Variants in MAPK10 observed in about 807,000 individuals in gnomAD.
The protein encoded by MAPK10 is JNK3 alpha protein kinase.
In MAPK10, 25 loss-of-function variants were observed where a neutral mutation model predicts 59.3. The observed-to-expected ratio is 0.42, with a 90% CI of 0.31 to 0.59. The LOEUF (loss-of-function observed/expected upper bound fraction) is 0.59, where lower values mean the gene tolerates loss of function less well. Ranked by LOEUF, MAPK10 falls within the 20% of genes least tolerant of loss-of-function variation. MAPK10 has a pLI of 0.15. For missense variants in MAPK10, 351 were observed against 568.9 expected (o/e 0.62, Z 3.90); for synonymous variants, 190 against 200.5 (o/e 0.95, Z 0.44).
At chr4:86,224,082 C>CTTTATGATCTA (rs138103390) in intron 2 of MAPK10, among the ~76,000 whole-genome samples, 1 of 152,036 alleles carries the variant, frequency 6.6e-6, no homozygotes, top group African/African-American at 2.4e-5. Flanking sequence ...TCCGAAATAT[C>CTTTATGATCTA]AAATGTAGGA....
intron 1 of MAPK10, among the ~76,000 whole-genome samples, chr4:86,530,648 C>T (rs1275694271): frequency 6.6e-6 from 1 of 152,198 alleles, no homozygotes; most frequent in Non-Finnish European, 1.5e-5. Flanking sequence ...TTGCCACATC[C>T]TCACATGGTG....
At chr4:86,517,849 A>G (rs1756811516) in intron 1 of MAPK10, among the ~76,000 whole-genome samples, 2 of 152,144 alleles carry the variant, frequency 1.3e-5, no homozygotes, top group Admixed American at 1.3e-4. Flanking sequence ...TTTCAGTAGG[A>G]TTGGTACCAG....
At chr4:86,103,683 G>T (rs1267531259) in intron 5 of MAPK10, among the ~76,000 whole-genome samples, 1 of 151,724 alleles carries the variant, frequency 6.6e-6, no homozygotes, top group Admixed American at 6.6e-5. Context: ...TTTTTGTGTT[G>T]TTACTTTATA....
chr4:86,352,501 G>C (rs1418724283), intron 2 of MAPK10, among the ~76,000 whole-genome samples: 2 of 152,112 alleles, frequency 1.3e-5, no homozygotes, highest in Non-Finnish European at 2.9e-5. Flanking sequence ...GCAGAACTAA[G>C]ATTCATAGCC....
intron 4 of MAPK10, among the ~76,000 whole-genome samples, chr4:86,132,636 C>G (rs1477018578): frequency 6.6e-6 from 1 of 152,190 alleles, no homozygotes; most frequent in Non-Finnish European, 1.5e-5. Flanking sequence ...AAAGCTTCAA[C>G]TGTATTTACA....
At chr4:86,359,590 C>G in intron 1 of MAPK10, 68 bp downstream of exon 1, 1 of 728,742 alleles carries the variant, frequency 1.4e-6, no homozygotes, top group South Asian at 6.2e-5. Flanking sequence ...CCACCAGGAG[C>G]AATCAATAGA....
intron 2 of MAPK10, among the ~76,000 whole-genome samples, chr4:86,278,178 G>A (rs1280737759): frequency 6.6e-6 from 1 of 152,000 alleles, no homozygotes; most frequent in Non-Finnish European, 1.5e-5. Context: ...ATAAAACCTA[G>A]GCTAATAGCC....
chr4:86,383,349 C>T (rs541998555), intron 1 of MAPK10, among the ~76,000 whole-genome samples: 39 of 152,236 alleles, frequency 2.6e-4, no homozygotes, highest in South Asian at 2.1e-3. Context: ...AGGATCTGTC[C>T]GCCTGTTAAG....
chr4:86,275,307 C>A (rs192498874), intron 2 of MAPK10, among the ~76,000 whole-genome samples: 2 of 152,088 alleles, frequency 1.3e-5, no homozygotes, highest in East Asian at 3.9e-4. Flanking sequence ...CTAGATGTTT[C>A]CTTGCTACAA....
chr4:86,214,874 T>A (rs998620090), intron 2 of MAPK10, among the ~76,000 whole-genome samples: 2 of 152,122 alleles, frequency 1.3e-5, no homozygotes, highest in Non-Finnish European at 2.9e-5. Flanking sequence ...GCAATCCTTA[T>A]CAGAATCACA....
chr4:86,268,834 C>T (rs1001724135), intron 2 of MAPK10, among the ~76,000 whole-genome samples: 2 of 152,084 alleles, frequency 1.3e-5, no homozygotes, highest in Non-Finnish European at 2.9e-5. Context: ...TAGCATGTAT[C>T]AGTATGTGAA....
Position 86,086,801 on chromosome 4 carries a change from G to T in MAPK10, c.802+11723C>A, listed in dbSNP as rs78891836. Among the ~76,000 whole-genome samples, 851 of 152,136 alleles carry T rather than the reference G, an allele frequency of 5.6e-3. 1 individual carries two copies. The highest frequency in any genetic ancestry group is 0.013 in the African/African-American group (553 of 41,526). On this transcript the variant is annotated intron_variant, in intron 9 of 13. Coordinates refer to ENST00000641462, the MANE Select transcript of MAPK10 (RefSeq NM_138982.4). Reference sequence around the variant, plus strand: ...TCTAATAACAGAATTTTTTAAATCAGTAATGTCTTATACATTAAGAGGTTA... The same window carrying T: ...TCTAATAACAGAATTTTTTAAATCATTAATGTCTTATACATTAAGAGGTTA...
chr4:86,339,549 T>C (rs915670631), intron 2 of MAPK10, among the ~76,000 whole-genome samples: 1 of 152,244 alleles, frequency 6.6e-6, no homozygotes, highest in African/African-American at 2.4e-5. Flanking sequence ...TCTAATTTTC[T>C]TTTCCAAATA....
chr4:86,225,334 C>T (rs1386423993), intron 2 of MAPK10, among the ~76,000 whole-genome samples: 1 of 152,180 alleles, frequency 6.6e-6, no homozygotes, highest in Middle Eastern at 3.2e-3. Context: ...AGGGTGCCTA[C>T]ATGACTAGCC....
intron 4 of MAPK10, among the ~76,000 whole-genome samples, chr4:86,143,037 G>A (rs546826014): frequency 5.8e-4 from 89 of 152,238 alleles, no homozygotes; most frequent in African/African-American, 1.9e-3. Context: ...TAATTGACTC[G>A]CAGTTCCACA....
At chr4:86,393,721 C>G (rs924930541) in intron 1 of MAPK10, among the ~76,000 whole-genome samples, 2 of 152,062 alleles carry the variant, frequency 1.3e-5, no homozygotes, top group Non-Finnish European at 2.9e-5. Context: ...GTAAAGGGTA[C>G]TTAGTAGAAT....
intron 2 of MAPK10, among the ~76,000 whole-genome samples, chr4:86,241,961 C>T (rs765596331): frequency 5.9e-5 from 9 of 152,162 alleles, no homozygotes; most frequent in South Asian, 2.1e-4. Context: ...TTCTCATCCT[C>T]GTGAGTTTGT....
chr4:86,043,510 C>T (rs1186721175), intron 11 of MAPK10, among the ~76,000 whole-genome samples: 2 of 152,072 alleles, frequency 1.3e-5, no homozygotes, highest in Non-Finnish European at 2.9e-5. Flanking sequence ...AGAGACTTGG[C>T]TATAAAGCTA....
At chr4:86,545,033 T>C (rs1759037267) in intron 1 of MAPK10, among the ~76,000 whole-genome samples, 1 of 152,204 alleles carries the variant, frequency 6.6e-6, no homozygotes, top group Non-Finnish European at 1.5e-5. Flanking sequence ...TGGCCATGTT[T>C]CTGTGTTGTT....
Sources: gnomAD v4.1 joint callset for allele counts (sites outside exome capture counted in the v4.1 genomes callset) on GRCh38, gnomAD v4.1.1 for gene constraint, MANE v1.5 for transcripts, NCBI Gene and HGNC (gene_info 2026-07-23, HGNC 2026-07-21) for gene names.